STIP1: variants seen among roughly 807,000 people sequenced by gnomAD.
STIP1 encodes stress induced phosphoprotein 1, also known as stress-induced-phosphoprotein 1.
A neutral mutation model predicts 77.4 loss-of-function variants in STIP1; 16 were observed. That is an observed-to-expected ratio of 0.21 (90% CI 0.14 to 0.31). The LOEUF is 0.31. Among genes scored for constraint, STIP1 ranks in the 10% least tolerant of loss-of-function variants. The pLI, the probability that STIP1 is intolerant of heterozygous loss-of-function variation, is 1.00. For missense variants in STIP1, 524 were observed against 684.8 expected, an observed-to-expected ratio of 0.77 and a Z score of 2.62; for synonymous variants, 258 against 246.6, an observed-to-expected ratio of 1.05 and a Z score of -0.44.
intron 2 of STIP1, 97 bp downstream of exon 2, chr11:64,193,384 T>A: frequency 9.4e-7 from 1 of 1,068,398 alleles, no homozygotes; most frequent in Non-Finnish European, 1.4e-6. Context: ...CACTGATAGT[T>A]ACCTACCCAC....
intron 5 of STIP1, 129 bp downstream of exon 5, chr11:64,195,942 G>A (rs753848667): frequency 3.3e-5 from 44 of 1,348,202 alleles, no homozygotes; most frequent in Non-Finnish European, 4.4e-5. Flanking sequence ...GAGTCTTGCT[G>A]TGTTTCCCAG....
chr11:64,193,639 T>G (rs911982201), intron 2 of STIP1, among the ~76,000 whole-genome samples: 5 of 152,048 alleles, frequency 3.3e-5, no homozygotes, highest in African/African-American at 7.2e-5. Flanking sequence ...CAAAAAAATT[T>G]AGCCAGGCAT....
chr11:64,192,771 G>C (rs376610077), intron 1 of STIP1, among the ~76,000 whole-genome samples: 1 of 152,220 alleles, frequency 6.6e-6, no homozygotes, highest in Admixed American at 6.5e-5. Flanking sequence ...CATGGAAGGA[G>C]CATGTGGCAC....
chr11:64,202,508 A>G, intron 10 of STIP1: 1 of 180,812 alleles, frequency 5.5e-6, no homozygotes, highest in Admixed American at 6.0e-5. Flanking sequence ...TTGGCCTTCC[A>G]GAGTGCTGGG....
At chr11:64,193,785 C>CA (rs906290365) in intron 2 of STIP1, among the ~76,000 whole-genome samples, 10 of 149,294 alleles carry the variant, frequency 6.7e-5, no homozygotes, top group East Asian at 2.0e-4. Flanking sequence ...GACCCTGTCT[C>CA]AAAAAAAAAG....
At chr11:64,190,237 A>T (rs1039462239) in intron 1 of STIP1, among the ~76,000 whole-genome samples, 8 of 151,994 alleles carry the variant, frequency 5.3e-5, no homozygotes, top group African/African-American at 1.5e-4. Flanking sequence ...GCAATGACGC[A>T]ATCTCAGCTT....
chr11:64,186,020 G>C (rs1440270153), upstream of STIP1: 3 of 1,544,940 alleles, frequency 1.9e-6, no homozygotes, highest in Non-Finnish European at 1.7e-6. Flanking sequence ...GGGGGAGGCA[G>C]GGTTGAGGGA....
upstream of STIP1, chr11:64,185,674 C>T (rs1260284774): frequency 3.4e-5 from 38 of 1,117,532 alleles, no homozygotes; most frequent in East Asian, 2.6e-5. Context: ...GGCGACACAG[C>T]TACAGACCCC....
intron 9 of STIP1, 57 bp from the exon 10 acceptor site, chr11:64,200,112 G>A (rs930581335): frequency 4.3e-5 from 70 of 1,611,998 alleles, no homozygotes; most frequent in Non-Finnish European, 5.2e-5. Context: ...GTAAATGGCC[G>A]GCTACACATG....
upstream of STIP1, chr11:64,185,945 T>A (rs1316266009): frequency 6.5e-7 from 1 of 1,536,980 alleles, no homozygotes; most frequent in South Asian, 1.2e-5. Flanking sequence ...AGAAGTTCGC[T>A]CCTCCCTCCA....
intron 1 of STIP1, among the ~76,000 whole-genome samples, chr11:64,191,777 A>G (rs1370866843): frequency 2.0e-5 from 3 of 151,074 alleles, no homozygotes; most frequent in Non-Finnish European, 4.4e-5. Context: ...TTTTTTAATG[A>G]AAAAGTAAAA....
Position 64,197,784 on chromosome 11 carries a change from G to C in STIP1, c.903-70G>C, listed in dbSNP as rs1951169418. On this transcript the variant is annotated intron_variant, in intron 7 of 13. Transcript: ENST00000305218. Reference sequence around the variant, plus strand: ...GTGATGCGGGCCTTTCTAGCTGCAGGTGTGTTTTTCTGCAGGAGCTGACTT... The same window carrying C: ...GTGATGCGGGCCTTTCTAGCTGCAGCTGTGTTTTTCTGCAGGAGCTGACTT... The C allele has an allele frequency of 2.3e-5, 36 of 1,584,236 alleles. No individual in the cohort carries two copies. In the South Asian group the frequency reaches 4.0e-4, roughly 18 times the overall value.
intron 8 of STIP1, among the ~76,000 whole-genome samples, chr11:64,199,451 G>A (rs1439959616): frequency 6.9e-6 from 1 of 145,568 alleles, no homozygotes; most frequent in Non-Finnish European, 1.5e-5. Context: ...AGCTTGCAGT[G>A]AGCCGAGATC....
At chr11:64,192,514 CATGTTGCCACACCAGGAA>C (rs1946104205) in intron 1 of STIP1, among the ~76,000 whole-genome samples, 1 of 152,188 alleles carries the variant, frequency 6.6e-6, no homozygotes, top group South Asian at 2.1e-4. Flanking sequence ...CCTGTGGTGA[CATGTTGCCACACCAGGAA>C]ATGGAGACTG....
chr11:64,193,167 G>A lies in STIP1; in HGVS notation c.99G>A (p.Leu33=), dbSNP rs1245167003. ...ALQCYSEAIK[L]DPHNHVLYSN... Reference sequence around the variant, plus strand: ...AGTGCTACTCCGAAGCTATTAAGCTGGATCCCCACAACCACGTGCTGTACA... The same window carrying A: ...AGTGCTACTCCGAAGCTATTAAGCTAGATCCCCACAACCACGTGCTGTACA... The change falls in exon 2 of 14, where the codon CTG becomes CTA. Residue 33 remains leucine, a synonymous_variant. Coordinates refer to ENST00000305218, the MANE Select transcript of STIP1 (RefSeq NM_006819.3). 1 of 1,614,194 alleles carries A rather than the reference G, an allele frequency of 6.2e-7. No homozygotes were observed. Among genetic ancestry groups the A allele is most frequent in the Admixed American group, 1.7e-5 (1 of 60,026 alleles).
In STIP1 at chr11:64,197,368, C is replaced by G. The variant is rs1946162472; in HGVS notation, c.770C>G (p.Thr257Ser). The change falls in exon 6 of 14, where the codon ACT becomes AGT. Residue 257 changes from threonine to serine, a missense_variant. Coordinates refer to ENST00000305218, the MANE Select transcript of STIP1 (RefSeq NM_006819.3). ...HYDKAKELDP[T>S]NMTYITNQAA... ...GACAAAGCCAAGGAGCTGGACCCCA[C>G]TAACATGACTTACATTACCAATCAA... 6.2e-7 allele frequency: 1 copy of G among 1,613,880 alleles called. No individual in the cohort carries two copies. Among genetic ancestry groups the G allele is most frequent in the South Asian group, 1.1e-5 (1 of 91,070 alleles).
intron 1 of STIP1, among the ~76,000 whole-genome samples, chr11:64,188,411 A>C (rs1276818908): frequency 6.6e-6 from 1 of 151,668 alleles, no homozygotes; most frequent in African/African-American, 2.4e-5. Flanking sequence ...TTTTAGAGAC[A>C]GGGTCTGGTT....
intron 10 of STIP1, among the ~76,000 whole-genome samples, 186 bp downstream of exon 10, chr11:64,200,479 TTTTTA>T (rs1946205440): frequency 6.6e-6 from 1 of 152,050 alleles, no homozygotes; most frequent in South Asian, 2.1e-4. Flanking sequence ...CCTGCTACAT[TTTTTA>T]TTTTTTTTGT....
At chr11:64,194,006 T>C (rs1464007804) in intron 2 of STIP1, among the ~76,000 whole-genome samples, 183 bp from the exon 3 acceptor site, 1 of 152,218 alleles carries the variant, frequency 6.6e-6, no homozygotes, top group Admixed American at 6.5e-5. Flanking sequence ...GCCTCTGCTA[T>C]TTGGATGGAT....
Sources: gnomAD v4.1 joint callset for allele counts (sites outside exome capture counted in the v4.1 genomes callset) on GRCh38, gnomAD v4.1.1 for gene constraint, MANE v1.5 for transcripts, NCBI Gene and HGNC (gene_info 2026-07-23, HGNC 2026-07-21) for gene names.